The following STK3 variants were observed in gnomAD, a reference collection of about 807,000 sequenced individuals.
STK3 encodes the protein serine/threonine kinase 3, also known as serine/threonine-protein kinase 3.
Under a neutral mutation model 58.0 loss-of-function variants are expected in STK3, and 41 were observed. That is an observed-to-expected ratio of 0.71 (90% confidence interval 0.55 to 0.92). The LOEUF (loss-of-function observed/expected upper bound fraction) is 0.92, where lower values mean the gene tolerates loss of function less well. Among genes scored for constraint, STK3 ranks in the 40% least tolerant of loss-of-function variants. The pLI is 0.00. For missense variants in STK3, 479 were observed against 602.7 expected, an observed-to-expected ratio of 0.79 and a Z score of 2.15; for synonymous variants, 170 against 191.0, an observed-to-expected ratio of 0.89 and a Z score of 0.91.
At chr8:98,502,470 C>G (rs1252778788) in intron 10 of STK3, among the ~76,000 whole-genome samples, 1 of 152,176 alleles carries the variant, frequency 6.6e-6, no homozygotes, top group East Asian at 1.9e-4. Flanking sequence ...GAGAGGGCAT[C>G]CCTGTCTTGT....
chr8:98,347,192 G>A, the STK3 span, among the ~76,000 whole-genome samples: 1 of 151,724 alleles, frequency 6.6e-6, no homozygotes, highest in Admixed American at 6.6e-5. Flanking sequence ...ATAAACCAAG[G>A]AAAAAGATGA....
intron 3 of STK3, among the ~76,000 whole-genome samples, chr8:98,406,910 T>C (rs1270847916): frequency 6.6e-6 from 1 of 151,946 alleles, no homozygotes; most frequent in East Asian, 1.9e-4. Context: ...AAATATGAGG[T>C]GACAGTGTGA....
At chr8:98,422,902 CTGATCTAAT>C (rs1159877167) in intron 3 of STK3, among the ~76,000 whole-genome samples, 5 of 152,354 alleles carry the variant, frequency 3.3e-5, no homozygotes, top group Non-Finnish European at 5.9e-5. Context: ...ACCAGAGACT[CTGATCTAAT>C]TGGCCTGGTG....
At chr8:98,858,312 A>G (rs1490826885) in intron 3 of STK3, among the ~76,000 whole-genome samples, 4 of 82,264 alleles carry the variant, frequency 4.9e-5, no homozygotes, top group African/African-American at 9.2e-5. Flanking sequence ...ATATATATAT[A>G]TATATATATA....
intron 6 of STK3, among the ~76,000 whole-genome samples, chr8:98,613,273 T>A (rs543991212): frequency 3.9e-5 from 6 of 151,914 alleles, no homozygotes; most frequent in African/African-American, 1.5e-4. Context: ...TAAGATCCAG[T>A]CTCAGAATAT....
chr8:98,515,876 T>A (rs1225575254), intron 10 of STK3, among the ~76,000 whole-genome samples: 1 of 152,082 alleles, frequency 6.6e-6, no homozygotes, highest in African/African-American at 2.4e-5. Flanking sequence ...TGTGCCATGT[T>A]TAAAGGATAA....
At chr8:98,355,564 A>C in the STK3 span, among the ~76,000 whole-genome samples, 1 of 152,206 alleles carries the variant, frequency 6.6e-6, no homozygotes, top group Non-Finnish European at 1.5e-5. Flanking sequence ...TAGCACTCAG[A>C]GAAGAAGTGC....
intron 1 of STK3, among the ~76,000 whole-genome samples, chr8:98,792,206 A>G (rs1003208390): frequency 5.3e-5 from 8 of 152,256 alleles, no homozygotes; most frequent in Admixed American, 1.3e-4. Context: ...ATAGGAAAAA[A>G]TGCTCAACAT....
chr8:98,596,300 GT>G (rs1184000261), intron 6 of STK3, 131 bp from the exon 7 acceptor site: 2 of 1,076,576 alleles, frequency 1.9e-6, no homozygotes, highest in Non-Finnish European at 2.6e-6. Context: ...AGGATTTCTA[GT>G]AACACTGAAA....
chr8:98,609,867 G>A (rs1817055397), intron 6 of STK3, among the ~76,000 whole-genome samples: 1 of 151,946 alleles, frequency 6.6e-6, no homozygotes, highest in Non-Finnish European at 1.5e-5. Context: ...GGCTGAGGCA[G>A]GAGAATGGCA....
intron 1 of STK3, among the ~76,000 whole-genome samples, chr8:98,921,772 A>G (rs1283307050): frequency 6.6e-6 from 1 of 151,776 alleles, no homozygotes; most frequent in Admixed American, 6.6e-5. Flanking sequence ...GCTCACTGCA[A>G]CCCCCACCTC....
intron 10 of STK3, among the ~76,000 whole-genome samples, chr8:98,483,810 G>A (rs1415874559): frequency 6.6e-6 from 1 of 152,072 alleles, no homozygotes; most frequent in Non-Finnish European, 1.5e-5. Context: ...TCTTAAATTG[G>A]TACTTAATTT....
chr8:98,567,710 A>G (rs1812605941), intron 8 of STK3, among the ~76,000 whole-genome samples: 2 of 152,124 alleles, frequency 1.3e-5, no homozygotes, highest in African/African-American at 4.8e-5. Flanking sequence ...ACTGAAATAT[A>G]CGGAGGGTTT....
At chr8:98,652,671 G>T (rs1821059080) in intron 6 of STK3, among the ~76,000 whole-genome samples, 1 of 147,754 alleles carries the variant, frequency 6.8e-6, no homozygotes. Context: ...AAAAAGGCAG[G>T]GGTTGCAATC....
intron 3 of STK3, chr8:98,430,356 T>A (rs1818310087): frequency 6.0e-6 from 1 of 167,112 alleles, no homozygotes; most frequent in Non-Finnish European, 1.5e-5. Context: ...GAAATATTTA[T>A]TTTTTAAGAT....
intron 2 of STK3, among the ~76,000 whole-genome samples, chr8:98,377,543 A>G (rs1210952812): frequency 1.3e-5 from 2 of 151,922 alleles, no homozygotes; most frequent in African/African-American, 4.8e-5. Context: ...ATAAATTTTC[A>G]TAATAATTAT....
intron 4 of STK3, among the ~76,000 whole-genome samples, chr8:98,716,422 T>C (rs1452137507): frequency 6.6e-6 from 1 of 151,998 alleles, no homozygotes; most frequent in Admixed American, 6.6e-5. Flanking sequence ...ACAATAGAAA[T>C]AGAATTTCTT....
chr8:98,406,693 A>C (rs1586550394), intron 3 of STK3, among the ~76,000 whole-genome samples: 1 of 152,180 alleles, frequency 6.6e-6, no homozygotes, highest in African/African-American at 2.4e-5. Context: ...ATTCAGTAAC[A>C]CCCAACTCTA....
At chr8:98,583,845 ATGTGTGTGTGTG>A (rs529496460) in intron 7 of STK3, among the ~76,000 whole-genome samples, 2 of 144,660 alleles carry the variant, frequency 1.4e-5, no homozygotes, top group Non-Finnish European at 3.1e-5. Context: ...GAGAGAGTGT[ATGTGTGTGTGTG>A]TGTGTGTGTG....
Sources: allele counts gnomAD v4.1 joint callset (sites outside exome capture counted in the v4.1 genomes callset), GRCh38; gene constraint gnomAD v4.1.1; transcripts MANE v1.5; gene names NCBI Gene and HGNC (gene_info 2026-07-23, HGNC 2026-07-21).